The following PLD5 variants were observed in gnomAD, a reference collection of about 807,000 sequenced individuals.
PLD5 encodes phospholipase D family member 5.
In PLD5, 36 loss-of-function variants were observed where a neutral mutation model predicts 61.1. That is an observed-to-expected ratio of 0.59 (90% confidence interval 0.45 to 0.78). The LOEUF is 0.78. Ranked by LOEUF, PLD5 falls within the 30% of genes least tolerant of loss-of-function variation. The probability of loss-of-function intolerance (pLI) is 0.00; values close to 1 mark genes in which losing one functional copy is unlikely to be tolerated. For missense variants in PLD5, 515 were observed against 644.4 expected, an observed-to-expected ratio of 0.80 and a Z score of 2.17; for synonymous variants, 243 against 242.8, an observed-to-expected ratio of 1.00 and a Z score of -0.01.
chr1:242,144,385 A>G (rs2148799253), intron 5 of PLD5, among the ~76,000 whole-genome samples: 1 of 152,322 alleles, frequency 6.6e-6, no homozygotes, highest in South Asian at 2.1e-4. Context: ...TAGAAAGAAA[A>G]GAAACTAGAA....
chr1:242,297,373 CT>C lies in PLD5; in HGVS notation c.327-8844del, dbSNP rs1233269547. ...AAAAAAAAAAAAAAAAAAAGGAAAG[CT>C]TCCCCCCTTTTCCTATCACCCTTCA... On this transcript the variant is annotated intron_variant, in intron 2 of 9. Coordinates refer to ENST00000536534, the MANE Select transcript of PLD5 (RefSeq NM_001372062.1). Among the ~76,000 whole-genome samples, 4 of 142,578 alleles carry C rather than the reference CT, an allele frequency of 2.8e-5. No individual in the cohort carries two copies. In the South Asian group the frequency reaches 8.9e-4, roughly 32 times the overall value. 93.5% of individuals were successfully genotyped at this position (142,578 alleles called of 152,430 possible). A position where few individuals can be genotyped will look rare whatever the true frequency, so the allele number is the denominator to read the frequency against.
At chr1:242,391,324 T>C (rs1338231151) in intron 1 of PLD5, among the ~76,000 whole-genome samples, 3 of 152,192 alleles carry the variant, frequency 2.0e-5, no homozygotes, top group Non-Finnish European at 2.9e-5. Flanking sequence ...TACAATACAG[T>C]GATCATTATT....
chr1:242,516,277 T>TATATATAC (rs1553271890), intron 1 of PLD5, among the ~76,000 whole-genome samples: 2 of 64,432 alleles, frequency 3.1e-5, no homozygotes, highest in African/African-American at 1.1e-4. Context: ...TATATATATA[T>TATATATAC]ATACATATTC....
chr1:242,384,766 G>C (rs765964443), intron 1 of PLD5, among the ~76,000 whole-genome samples: 2 of 152,150 alleles, frequency 1.3e-5, no homozygotes, highest in Non-Finnish European at 2.9e-5. Context: ...CTTCTTAAAA[G>C]AATCTCCAGG....
intron 5 of PLD5, among the ~76,000 whole-genome samples, chr1:242,193,269 G>A (rs928856043): frequency 5.3e-5 from 8 of 151,914 alleles, no homozygotes; most frequent in African/African-American, 1.9e-4. Context: ...TGAAGATAAC[G>A]TAGAGAAAAG....
intron 1 of PLD5, among the ~76,000 whole-genome samples, chr1:242,444,824 G>A (rs993978790): frequency 6.7e-6 from 1 of 149,800 alleles, no homozygotes; most frequent in Non-Finnish European, 1.5e-5. Context: ...TGGACTTTGG[G>A]AACAGGCCAT....
At chr1:242,353,534 G>A (rs563054886) in intron 1 of PLD5, among the ~76,000 whole-genome samples, 2 of 152,090 alleles carry the variant, frequency 1.3e-5, no homozygotes, top group South Asian at 4.1e-4. Flanking sequence ...ATGAATTTTA[G>A]GACTGTGTTC....
intron 4 of PLD5, among the ~76,000 whole-genome samples, chr1:242,221,505 A>T (rs144742061): frequency 3.2e-4 from 48 of 152,346 alleles, no homozygotes; most frequent in Admixed American, 2.7e-3. Flanking sequence ...CTTAACTCTT[A>T]GGAAAATGTA....
Position 242,485,553 on chromosome 1 carries a change from T to G in PLD5, c.189+38535A>C, listed in dbSNP as rs113054914. Among the ~76,000 whole-genome samples the G allele has an allele frequency of 8.4e-3, 1,270 of 151,948 alleles. 17 individuals carry two copies. The highest frequency in any genetic ancestry group is 0.029 in the African/African-American group (1,214 of 41,422). ...AGGAGAACTACAAACCACTGAACAA[T>G]GAAATAAAAGAGGATACAAACAAAT... On this transcript the variant is annotated intron_variant, in intron 1 of 9. Transcript: ENST00000536534.
intron 1 of PLD5, among the ~76,000 whole-genome samples, chr1:242,450,529 T>A (rs1311365934): frequency 6.6e-6 from 1 of 152,126 alleles, no homozygotes; most frequent in Non-Finnish European, 1.5e-5. Flanking sequence ...CTGCTTTTCC[T>A]CTCATCAAAA....
intron 1 of PLD5, chr1:242,449,620 C>T (rs1666699890): frequency 1.0e-6 from 1 of 984,738 alleles, no homozygotes; most frequent in South Asian, 1.8e-5. Flanking sequence ...ATAGGCCCCT[C>T]ATTTAGCATT....
chr1:242,390,413 C>CT (rs1199276365), intron 1 of PLD5, among the ~76,000 whole-genome samples: 1 of 152,136 alleles, frequency 6.6e-6, no homozygotes. Context: ...GCTTGACTTT[C>CT]TTTTTTAACT....
chr1:242,161,556 G>C (rs1665830803), intron 5 of PLD5, among the ~76,000 whole-genome samples: 1 of 152,076 alleles, frequency 6.6e-6, no homozygotes, highest in Admixed American at 6.6e-5. Context: ...ATAATGTTTT[G>C]AGGAAAATAT....
At chr1:242,140,897 CA>C (rs1349919155) in intron 5 of PLD5, among the ~76,000 whole-genome samples, 6 of 152,162 alleles carry the variant, frequency 3.9e-5, no homozygotes, top group Admixed American at 3.9e-4. Flanking sequence ...AGCCACAGCT[CA>C]CAGGTGATGG....
chr1:242,246,478 A>AACACACACACACACACACACACACAC (rs34723926), intron 4 of PLD5, among the ~76,000 whole-genome samples: 13 of 141,214 alleles, frequency 9.2e-5, no homozygotes, highest in Admixed American at 2.1e-4. Flanking sequence ...TAGAAAAGAC[A>AACACACACACACACACACACACACAC]ACACACACAC....
chr1:242,299,870 C>T (rs1208722767), intron 2 of PLD5, among the ~76,000 whole-genome samples: 1 of 152,162 alleles, frequency 6.6e-6, no homozygotes. Context: ...ATGCCAAATC[C>T]ATGATGAGCT....
intron 1 of PLD5, among the ~76,000 whole-genome samples, chr1:242,437,247 C>T (rs1366280050): frequency 6.6e-6 from 1 of 152,116 alleles, no homozygotes; most frequent in Non-Finnish European, 1.5e-5. Context: ...TGAGGTGGAT[C>T]GGTATTATAT....
intron 5 of PLD5, among the ~76,000 whole-genome samples, chr1:242,186,519 T>A (rs1357911892): frequency 1.3e-5 from 2 of 151,840 alleles, no homozygotes; most frequent in East Asian, 3.9e-4. Flanking sequence ...AAAGTTTCTT[T>A]AAAAAAAGGT....
intron 5 of PLD5, among the ~76,000 whole-genome samples, chr1:242,129,836 C>T (rs1663094879): frequency 6.6e-6 from 1 of 152,146 alleles, no homozygotes; most frequent in South Asian, 2.1e-4. Flanking sequence ...TTATTCTACT[C>T]TCTATGTCCA....
Sources: allele counts gnomAD v4.1 joint callset (sites outside exome capture counted in the v4.1 genomes callset), GRCh38; gene constraint gnomAD v4.1.1; transcripts MANE v1.5; gene names NCBI Gene and HGNC (gene_info 2026-07-23, HGNC 2026-07-21).